NPAS2: variants seen among roughly 807,000 people sequenced by gnomAD.
NPAS2 encodes neuronal PAS domain protein 2, also known as neuronal PAS domain-containing protein 2.
In NPAS2, 23 loss-of-function variants were observed where a neutral mutation model predicts 107.5. The ratio of observed to expected loss-of-function variants is 0.21; its 90% CI spans 0.15 to 0.30. The LOEUF is 0.30. NPAS2 is among the 10% of genes least tolerant of loss of function. NPAS2 has a pLI of 1.00. For missense variants in NPAS2, 756 were observed against 1,043.3 expected, an observed-to-expected ratio of 0.72 and a Z score of 3.79; for synonymous variants, 403 against 417.5, an observed-to-expected ratio of 0.97 and a Z score of 0.42.
At chr2:100,831,918 A>G (rs3849379) in intron 1 of NPAS2, among the ~76,000 whole-genome samples, 44,621 of 151,698 alleles carry the variant, frequency 0.29, 9,641 homozygotes, top group African/African-American at 0.61. Flanking sequence ...CTGCAAACCC[A>G]TATTCTTTTT....
rs373058543 is a variant in NPAS2 at position 100,974,023 on chromosome 2, G to A, written c.1141-780G>A. ...CGTCCAGCTAATTTTTGTATTTTTA[G>A]TAAAGACGATGTTTCACCATGTTGG... is the stretch of plus-strand genomic sequence containing the variant. On this transcript the variant is annotated intron_variant, in intron 12 of 20. Transcript: ENST00000335681. 1.5e-3 allele frequency among the ~76,000 whole-genome samples: 222 copies of A among 151,950 alleles called. 3 individuals carry two copies. Among genetic ancestry groups the A allele is most frequent in the African/African-American group, 5.1e-3 (210 of 41,416 alleles).
Position 100,977,754 on chromosome 2 carries a change from C to T in NPAS2, c.1437C>T (p.Leu479=), listed in dbSNP as rs781532400. Residue 479 remains leucine (L), a synonymous_variant, in exon 15 of 21, where the codon CTC becomes CTT. Coordinates refer to ENST00000335681, the MANE Select transcript of NPAS2 (RefSeq NM_002518.4). ...CGTCCTGCGACCTCACACAGCAGCT[C>T]CTGCCTCAGACCGTTCTGCAGAGCA... ...SPSSCDLTQQ[L]LPQTVLQSTP... 1.2e-5 allele frequency: 19 copies of T among 1,614,230 alleles called. No homozygotes were observed. Among genetic ancestry groups the T allele is most frequent in the Non-Finnish European group, 1.4e-5 (17 of 1,180,046 alleles).
chr2:100,974,134 AC>A (rs2105221528), intron 12 of NPAS2, among the ~76,000 whole-genome samples: 1 of 152,214 alleles, frequency 6.6e-6, no homozygotes, highest in East Asian at 1.9e-4. Context: ...GAGCCACCGC[AC>A]CCAGCCCCAA....
intron 3 of NPAS2, among the ~76,000 whole-genome samples, 162 bp downstream of exon 3, chr2:100,925,456 C>G (rs566206717): frequency 1.3e-5 from 2 of 152,190 alleles, no homozygotes; most frequent in Non-Finnish European, 2.9e-5. Context: ...TCTATCAGCC[C>G]GTCTCTGGCT....
intron 1 of NPAS2, among the ~76,000 whole-genome samples, chr2:100,834,645 C>A (rs941023007): frequency 2.6e-5 from 4 of 152,102 alleles, no homozygotes; most frequent in Non-Finnish European, 5.9e-5. Context: ...CTTTTTAATC[C>A]CATAACATTG....
At chr2:100,822,730 T>G (rs974643369) in intron 1 of NPAS2, 11 of 152,222 alleles carry the variant, frequency 7.2e-5, no homozygotes, top group Non-Finnish European at 1.2e-4. Flanking sequence ...ACATGAATCG[T>G]CGGTTCTCCC....
chr2:100,935,225 C>A, intron 4 of NPAS2: 1 of 312,518 alleles, frequency 3.2e-6, no homozygotes, highest in Non-Finnish European at 4.7e-6. Flanking sequence ...GAATAGGGAG[C>A]TTGTGGAATT....
chr2:100,881,814 G>A (rs1302617736), intron 1 of NPAS2, among the ~76,000 whole-genome samples: 1 of 152,222 alleles, frequency 6.6e-6, no homozygotes, highest in African/African-American at 2.4e-5. Flanking sequence ...CAGGCGCAGA[G>A]GGCTTCACTC....
intron 1 of NPAS2, among the ~76,000 whole-genome samples, chr2:100,898,433 A>G (rs957047312): frequency 3.3e-5 from 5 of 152,192 alleles, no homozygotes; most frequent in Non-Finnish European, 7.3e-5. Context: ...GGCCAAGGTA[A>G]ACTTGAATAA....
chr2:100,860,136 T>C (rs73967685), intron 1 of NPAS2, among the ~76,000 whole-genome samples: 2 of 152,196 alleles, frequency 1.3e-5, no homozygotes, highest in African/African-American at 4.8e-5. Context: ...TTCGTTGTCT[T>C]CTGGTGTTTA....
chr2:100,906,971 C>T (rs560004449), intron 2 of NPAS2, among the ~76,000 whole-genome samples: 2 of 152,276 alleles, frequency 1.3e-5, no homozygotes, highest in East Asian at 3.9e-4. Flanking sequence ...ATTCTTATCC[C>T]CAGACCACAA....
intron 7 of NPAS2, among the ~76,000 whole-genome samples, chr2:100,963,636 G>T (rs1349642124): frequency 6.6e-6 from 1 of 152,112 alleles, no homozygotes; most frequent in Non-Finnish European, 1.5e-5. Flanking sequence ...TGGTGGTCTC[G>T]AACTTCTGGC....
At chr2:100,822,395 G>T (rs531610459) in intron 1 of NPAS2, among the ~76,000 whole-genome samples, 1 of 152,204 alleles carries the variant, frequency 6.6e-6, no homozygotes, top group South Asian at 2.1e-4. Context: ...AAAATTTCTG[G>T]CTGTTTAATA....
chr2:100,899,018 C>T (rs1278528683), intron 1 of NPAS2, among the ~76,000 whole-genome samples: 1 of 152,126 alleles, frequency 6.6e-6, no homozygotes, highest in Non-Finnish European at 1.5e-5. Flanking sequence ...TTGAGAAAAA[C>T]ATCAGACAAA....
At chr2:100,928,821 A>G (rs1683749795) in intron 3 of NPAS2, among the ~76,000 whole-genome samples, 1 of 152,222 alleles carries the variant, frequency 6.6e-6, no homozygotes, top group Non-Finnish European at 1.5e-5. Context: ...GACCGTAAGC[A>G]TCTGTTCAGG....
chr2:100,834,820 A>G (rs1486948704), intron 1 of NPAS2, among the ~76,000 whole-genome samples: 1 of 152,002 alleles, frequency 6.6e-6, no homozygotes. Flanking sequence ...TCAGCCTCCC[A>G]AGTAGCTGGG....
chr2:100,851,821 T>G (rs966331873), intron 1 of NPAS2, among the ~76,000 whole-genome samples: 5 of 152,236 alleles, frequency 3.3e-5, no homozygotes, highest in Non-Finnish European at 7.3e-5. Flanking sequence ...TTTTTGTTTT[T>G]TACTTGTCTG....
chr2:100,958,819 C>T (rs1014134880), intron 7 of NPAS2, among the ~76,000 whole-genome samples: 2 of 152,172 alleles, frequency 1.3e-5, no homozygotes, highest in African/African-American at 4.8e-5. Context: ...GGCCCATCCA[C>T]ACCAACCGTC....
chr2:100,980,234 G>C (rs1225951288), intron 15 of NPAS2, among the ~76,000 whole-genome samples: 3 of 152,112 alleles, frequency 2.0e-5, no homozygotes, highest in African/African-American at 4.8e-5. Context: ...CAAGCCAACT[G>C]GGCACCGATG....
Sources: allele counts gnomAD v4.1 joint callset (sites outside exome capture counted in the v4.1 genomes callset), GRCh38; gene constraint gnomAD v4.1.1; transcripts MANE v1.5; gene names NCBI Gene and HGNC (gene_info 2026-07-23, HGNC 2026-07-21).